WDR20: variants seen among roughly 807,000 people sequenced by gnomAD.
The protein encoded by WDR20 is WD repeat-containing protein 20.
WDR20 carries 3 observed loss-of-function variants against 38.7 expected under a neutral mutation model. The ratio of observed to expected loss-of-function variants is 0.08; its 90% confidence interval spans 0.04 to 0.20. The LOEUF is 0.20. Among genes scored for constraint, WDR20 ranks in the 10% least tolerant of loss-of-function variants. The pLI is 1.00. For missense variants in WDR20, 559 were observed against 727.7 expected (o/e 0.77, Z 2.67); for synonymous variants, 298 against 285.6 (o/e 1.04, Z -0.44).
At chr14:102,194,248 G>A (rs1451685356) in intron 1 of WDR20, among the ~76,000 whole-genome samples, 1 of 152,130 alleles carries the variant, frequency 6.6e-6, no homozygotes, top group Non-Finnish European at 1.5e-5. Flanking sequence ...TTTGATTATG[G>A]CCTCGATAAG....
downstream of WDR20, chr14:102,212,440 C>A: frequency 6.8e-7 from 1 of 1,481,038 alleles, no homozygotes; most frequent in African/African-American, 1.4e-5. Flanking sequence ...CTGGCTCAGC[C>A]CAGGCTGGCC....
chr14:102,150,209 A>T (rs2055283254), intron 1 of WDR20, among the ~76,000 whole-genome samples: 1 of 152,124 alleles, frequency 6.6e-6, no homozygotes, highest in Admixed American at 6.6e-5. Flanking sequence ...ATAGGATTAC[A>T]TCACGCCTGT....
At chr14:102,146,486 C>T (rs117963903) in intron 1 of WDR20, among the ~76,000 whole-genome samples, 2,603 of 152,114 alleles carry the variant, frequency 0.017, 51 homozygotes, top group South Asian at 0.097. Flanking sequence ...GTTCATGATG[C>T]TGAGATGAAG....
At chr14:102,147,288 A>G (rs1201975618) in intron 1 of WDR20, among the ~76,000 whole-genome samples, 1 of 152,172 alleles carries the variant, frequency 6.6e-6, no homozygotes, top group Non-Finnish European at 1.5e-5. Context: ...CCAGCTACTC[A>G]GGAGGCAGGA....
intron 1 of WDR20, among the ~76,000 whole-genome samples, chr14:102,167,212 C>T (rs112159932): frequency 6.6e-6 from 1 of 151,992 alleles, no homozygotes; most frequent in Non-Finnish European, 1.5e-5. Flanking sequence ...GATTCTTCTT[C>T]TTATTTATTT....
chr14:102,185,003 G>A (rs2064271700), intron 1 of WDR20, among the ~76,000 whole-genome samples: 1 of 152,158 alleles, frequency 6.6e-6, no homozygotes, highest in South Asian at 2.1e-4. Flanking sequence ...GAGAATGAAG[G>A]AGGAATGGAA....
chr14:102,167,744 T>G (rs931525026), intron 1 of WDR20: 1 of 152,202 alleles, frequency 6.6e-6, no homozygotes, highest in African/African-American at 2.4e-5. Flanking sequence ...GAAATTGAAA[T>G]GTAATGTCTC....
At chr14:102,218,401 A>G (rs1352857162), downstream of WDR20, among the ~76,000 whole-genome samples, 1 of 152,240 alleles carries the variant, frequency 6.6e-6, no homozygotes, top group Admixed American at 6.5e-5. Context: ...GAGACCGTCC[A>G]GGCCTGACAG....
chr14:102,156,241 C>T (rs1040727676), intron 1 of WDR20, among the ~76,000 whole-genome samples: 2 of 150,894 alleles, frequency 1.3e-5, no homozygotes, highest in African/African-American at 4.9e-5. Flanking sequence ...GATCTCGGCT[C>T]ACTGCAAGCT....
At chr14:102,212,377 A>T, downstream of WDR20, 1 of 890,352 alleles carries the variant, frequency 1.1e-6, no homozygotes, top group Non-Finnish European at 1.7e-6. Flanking sequence ...GGCCCAGTGG[A>T]GAGCACTGTG....
At chr14:102,157,870 G>A (rs866727904) in intron 1 of WDR20, among the ~76,000 whole-genome samples, 1 of 152,040 alleles carries the variant, frequency 6.6e-6, no homozygotes, top group African/African-American at 2.4e-5. Context: ...AGAATTCTTA[G>A]TATGATTTAA....
At chr14:102,223,491 T>C (rs1041310263) in exon 4 of WDR20, 1 of 152,772 alleles carries the variant, frequency 6.5e-6, no homozygotes, top group Non-Finnish European at 1.5e-5. Flanking sequence ...ATGCCCTTTT[T>C]ACCCGTTGAC....
At chr14:102,219,472 T>G (rs1186060488), downstream of WDR20, among the ~76,000 whole-genome samples, 1 of 152,238 alleles carries the variant, frequency 6.6e-6, no homozygotes, top group Non-Finnish European at 1.5e-5. Flanking sequence ...CCCAGCACAC[T>G]CCAGGGCTTG....
intron 1 of WDR20, among the ~76,000 whole-genome samples, chr14:102,151,002 T>C (rs2055594224): frequency 2.6e-5 from 4 of 152,148 alleles, no homozygotes; most frequent in African/African-American, 9.7e-5. Flanking sequence ...GCCTACAGTC[T>C]AGTGGTGAGA....
rs140086722 is a variant in WDR20 at position 102,201,741 on chromosome 14, C to T, written c.432+6621C>T. On this transcript the variant is annotated intron_variant, in intron 2 of 2. Transcript: ENST00000342702. ...TCGTTTTGCTTTTAAGGTTTATTTG[C>T]GTTTTGGGTTTTTTGTGTTTTTATG... 5.4e-3 allele frequency among the ~76,000 whole-genome samples: 818 copies of T among 152,268 alleles called. 9 individuals carry two copies. Among genetic ancestry groups the T allele is most frequent in the South Asian group, 0.015 (73 of 4,822 alleles).
At chr14:102,168,131 A>G (rs1021462551) in intron 1 of WDR20, among the ~76,000 whole-genome samples, 2 of 152,196 alleles carry the variant, frequency 1.3e-5, no homozygotes, top group African/African-American at 2.4e-5. Context: ...TACATCTCCC[A>G]TATCTTACCA....
intron 1 of WDR20, among the ~76,000 whole-genome samples, chr14:102,192,472 C>A (rs1351757035): frequency 6.6e-6 from 1 of 152,204 alleles, no homozygotes; most frequent in African/African-American, 2.4e-5. Context: ...AGCCACCGTG[C>A]CTTCTGGCCC....
chr14:102,186,045 G>C (rs1435985843), intron 1 of WDR20, among the ~76,000 whole-genome samples: 1 of 152,166 alleles, frequency 6.6e-6, no homozygotes, highest in African/African-American at 2.4e-5. Context: ...CACTGAAACT[G>C]TACAATTGAT....
chr14:102,171,037 C>T (rs1596231458), intron 1 of WDR20, among the ~76,000 whole-genome samples: 1 of 152,122 alleles, frequency 6.6e-6, no homozygotes, highest in Admixed American at 6.6e-5. Flanking sequence ...TCTCAGCTCA[C>T]TGCAACCTCT....
Sources: allele counts gnomAD v4.1 joint callset (sites outside exome capture counted in the v4.1 genomes callset), GRCh38; gene constraint gnomAD v4.1.1; transcripts MANE v1.5; gene names NCBI Gene and HGNC (gene_info 2026-07-23, HGNC 2026-07-21).